The following POU2F2 variants were observed in gnomAD, a reference collection of about 807,000 sequenced individuals.
POU2F2 encodes POU domain, class 2, transcription factor 2.
A neutral mutation model predicts 63.5 loss-of-function variants in POU2F2; 14 were observed. The observed-to-expected ratio is 0.22, with a 90% CI of 0.15 to 0.34. The LOEUF (loss-of-function observed/expected upper bound fraction) is 0.34. Ranked by LOEUF, POU2F2 falls within the 10% of genes least tolerant of loss-of-function variation. The probability of loss-of-function intolerance (pLI) is 1.00; values close to 1 mark genes in which losing one functional copy is unlikely to be tolerated. For synonymous variants in POU2F2, 306 were observed against 348.6 expected (o/e 0.88, Z 1.36); for missense variants, 607 against 815.2 (o/e 0.74, Z 3.11).
intron 5 of POU2F2, among the ~76,000 whole-genome samples, chr19:42,115,514 C>T (rs896723540): frequency 6.6e-6 from 1 of 152,210 alleles, no homozygotes; most frequent in African/African-American, 2.4e-5. Context: ...CTTCCCACGA[C>T]CTTCACTGCC....
In POU2F2 at chr19:42,152,259, CTGAGG is replaced by C. The variant is rs2034367015; in HGVS notation, c.-9+8068_-9+8072del. Among the ~76,000 whole-genome samples the C allele has an allele frequency of 6.6e-6, 1 of 152,084 alleles. No individual in the cohort carries two copies. Among genetic ancestry groups the C allele is most frequent in the Non-Finnish European group, 1.5e-5 (1 of 68,006 alleles). On this transcript the variant is annotated intron_variant, in intron 2 of 6. Transcript: ENST00000524801. This position sits in a 1 kb window ranked among gnomAD's most constrained non-coding sequence, Gnocchi z 4.1. ...CTGTGCTTAAATTCTCCTATGAAGG[CTGAGG>C]TGACTCTCGGGGAGAGGGCCGCAGC...
chr19:42,149,712 G>T (rs2034303264), intron 2 of POU2F2, among the ~76,000 whole-genome samples: 1 of 152,086 alleles, frequency 6.6e-6, no homozygotes, highest in Admixed American at 6.5e-5. Context: ...AAGAAAGAGG[G>T]AGGGAGGGGG....
chr19:42,092,185 G>A lies in POU2F2; in HGVS notation c.1350C>T (p.Pro450=). Residue 450 remains proline (P), a synonymous_variant, in exon 13 of 15, where the codon CCC becomes CCT. Coordinates refer to ENST00000692977, the MANE Select transcript of POU2F2 (RefSeq NM_001394376.1). The surrounding 1 kb of genome is among the most constrained non-coding windows in gnomAD (Gnocchi z 5.0). ...GGGGGGGAAP[P]LNSIPSVTPP... ...GAGTGACAGAGGGGATGGAATTGAG[G>A]GGGGGCGCAGCCCCGCCCCCGCCCC... is the stretch of plus-strand genomic sequence containing the variant. The A allele has an allele frequency of 6.4e-7, 1 of 1,568,046 alleles. No individual in the cohort carries two copies. Among genetic ancestry groups the A allele is most frequent in the South Asian group, 1.2e-5 (1 of 84,280 alleles).
At chr19:42,150,475 C>G (rs1026325013) in intron 2 of POU2F2, among the ~76,000 whole-genome samples, 1 of 151,384 alleles carries the variant, frequency 6.6e-6, no homozygotes, top group Non-Finnish European at 1.5e-5. Context: ...GGAGCAGGAC[C>G]AGGCTCACAT....
chr19:42,101,498 GGA>G (rs1267506376), intron 5 of POU2F2, among the ~76,000 whole-genome samples: 1 of 152,152 alleles, frequency 6.6e-6, no homozygotes, highest in Non-Finnish European at 1.5e-5. Context: ...TGCAAGCCAA[GGA>G]GAGAGGCCTG....
intron 1 of POU2F2, among the ~76,000 whole-genome samples, chr19:42,195,457 C>G (rs2035132513): frequency 2.6e-5 from 4 of 151,516 alleles, no homozygotes. Context: ...CTCAGCCTCC[C>G]CAGTACCTGG....
intron 5 of POU2F2, among the ~76,000 whole-genome samples, chr19:42,102,584 C>A (rs1263235279): frequency 6.6e-6 from 1 of 150,720 alleles, no homozygotes; most frequent in African/African-American, 2.4e-5. Flanking sequence ...TAGTGAGACC[C>A]CCATCTCAAA....
rs756588716 is a variant in POU2F2 at position 42,091,599 on chromosome 19, G to GGA, written c.1541-10_1541-9dup. 5 of 1,544,232 alleles carry GGA rather than the reference G, an allele frequency of 3.2e-6. No homozygotes were observed. The highest frequency in any genetic ancestry group is 4.4e-6 in the Non-Finnish European group (5 of 1,142,210). On this transcript the variant is annotated splice_polypyrimidine_tract_variant and intron_variant, in intron 14 of 14. Transcript: ENST00000692977. ...TTCCACCAGAGGCCAGGGCTGGCGGGGAGAGAGAGAGGCTGGGCTAAGGGC... is the reference window on the plus strand; with the variant it reads ...TTCCACCAGAGGCCAGGGCTGGCGGGGAGAGAGAGAGAGGCTGGGCTAAGGGC...
chr19:42,104,401 T>C (rs2077257442), intron 5 of POU2F2, among the ~76,000 whole-genome samples: 1 of 151,640 alleles, frequency 6.6e-6, no homozygotes, highest in African/African-American at 2.4e-5. Flanking sequence ...CAAAATGACC[T>C]CTCTAGAAGG....
At position 42,175,745 on chromosome 19, in the gene POU2F2, G is replaced by A. The variant is rs1484018762; in HGVS notation, c.-70+218C>T. Among the ~76,000 whole-genome samples the A allele has an allele frequency of 7.2e-5, 11 of 152,132 alleles. No individual in the cohort carries two copies. The East Asian group carries it at 1.9e-3, about 27-fold the overall frequency. On this transcript the variant is annotated intron_variant, in intron 1 of 6. Transcript: ENST00000524801. Reference sequence around the variant, plus strand: ...CCCCAAGTTACAGACTTTGTCCAGAGAGCTGAGGGGTGCACCGCGGCTCCC... The same window carrying A: ...CCCCAAGTTACAGACTTTGTCCAGAAAGCTGAGGGGTGCACCGCGGCTCCC...
At chr19:42,160,890 T>C (rs2034539820) in intron 1 of POU2F2, among the ~76,000 whole-genome samples, 1 of 152,216 alleles carries the variant, frequency 6.6e-6, no homozygotes, top group African/African-American at 2.4e-5. Context: ...TCCTATGTGC[T>C]CTGGGGAGAT....
intron 1 of POU2F2, among the ~76,000 whole-genome samples, chr19:42,163,368 G>T (rs893120500): frequency 6.6e-6 from 1 of 152,086 alleles, no homozygotes; most frequent in Non-Finnish European, 1.5e-5. Flanking sequence ...TAATCAAATG[G>T]TCAATATCAC....
chr19:42,094,770 C>T (rs1334179210), intron 11 of POU2F2, among the ~76,000 whole-genome samples: 2 of 152,166 alleles, frequency 1.3e-5, no homozygotes, highest in African/African-American at 2.4e-5. Flanking sequence ...GACAGTGCCT[C>T]CTTCACACCG....
At chr19:42,159,687 G>A (rs1026858007) in intron 2 of POU2F2, among the ~76,000 whole-genome samples, 1 of 152,224 alleles carries the variant, frequency 6.6e-6, no homozygotes, top group Non-Finnish European at 1.5e-5. Flanking sequence ...GTGGGCTTCA[G>A]GGAGGGGCTT....
chr19:42,116,232 G>C (rs1049763096), intron 5 of POU2F2, among the ~76,000 whole-genome samples: 3 of 152,194 alleles, frequency 2.0e-5, no homozygotes, highest in Non-Finnish European at 4.4e-5. Context: ...GGAGGTGATG[G>C]AGAACCTCCT....
intron 2 of POU2F2, among the ~76,000 whole-genome samples, chr19:42,157,886 C>T (rs7253915): frequency 0.1 from 15,558 of 151,994 alleles, 954 homozygotes; most frequent in Middle Eastern, 0.2. Context: ...GGGAGTCACA[C>T]GGGAGCATAG....
rs947393784 is a variant in POU2F2, at chr19:42,153,377, G to A, written c.-9+6955C>T. 1.3e-5 allele frequency among the ~76,000 whole-genome samples: 2 copies of A among 152,166 alleles called. No homozygotes were observed. The highest frequency in any genetic ancestry group is 2.9e-5 in the Non-Finnish European group (2 of 68,008). On this transcript the variant is annotated intron_variant, in intron 2 of 6. Coordinates refer to the POU2F2 transcript ENST00000524801. The surrounding 1 kb of genome is among the most constrained non-coding windows in gnomAD (Gnocchi z 5.6). ...AAGTCTCTGTCTGTCCCTTGGGGAT[G>A]TATCCCAGGAACACCTCAGGGATCT...
chr19:42,178,485 G>GCAGA (rs2034922741), upstream of POU2F2, among the ~76,000 whole-genome samples: 1 of 152,044 alleles, frequency 6.6e-6, no homozygotes, highest in Non-Finnish European at 1.5e-5. Context: ...AGAGACAGAG[G>GCAGA]CAGACACACA....
intron 7 of POU2F2, among the ~76,000 whole-genome samples, chr19:42,097,673 G>A (rs1348852374): frequency 2.0e-5 from 3 of 152,104 alleles, no homozygotes; most frequent in Non-Finnish European, 4.4e-5. Flanking sequence ...AACCAAGCAT[G>A]TGGGGCGTGA....
Sources: allele counts gnomAD v4.1 joint callset (sites outside exome capture counted in the v4.1 genomes callset), GRCh38; gene constraint gnomAD v4.1.1; non-coding constraint Gnocchi (gnomAD v3.1); transcripts MANE v1.5; gene names NCBI Gene and HGNC (gene_info 2026-07-23, HGNC 2026-07-21).